KAZN: variants seen among roughly 807,000 people sequenced by gnomAD.
KAZN encodes the protein kazrin, periplakin interacting protein, also known as kazrin.
In KAZN, 40 loss-of-function variants were observed where a neutral mutation model predicts 87.4. The ratio of observed to expected loss-of-function variants is 0.46; its 90% CI spans 0.36 to 0.60. KAZN has a LOEUF of 0.60. KAZN is among the 20% of genes least tolerant of loss of function. The pLI, the probability that KAZN is intolerant of heterozygous loss-of-function variation, is 0.00. For missense variants in KAZN, 898 were observed against 1,073.9 expected, an observed-to-expected ratio of 0.84 and a Z score of 2.29; for synonymous variants, 466 against 458.3, an observed-to-expected ratio of 1.02 and a Z score of -0.22.
chr1:14,084,879 T>TA (rs376530072), intron 1 of KAZN, among the ~76,000 whole-genome samples: 13 of 151,856 alleles, frequency 8.6e-5, no homozygotes, highest in Admixed American at 3.9e-4. Context: ...TAAAGTATAA[T>TA]AAAAAAAAGT....
intron 2 of KAZN, among the ~76,000 whole-genome samples, chr1:14,419,680 G>A (rs996467149): frequency 5.3e-5 from 8 of 152,140 alleles, no homozygotes; most frequent in Non-Finnish European, 1.5e-5. Flanking sequence ...CTTCTGGTGG[G>A]TTTGTGATCT....
intron 2 of KAZN, among the ~76,000 whole-genome samples, chr1:14,503,703 G>A (rs182676262): frequency 5.7e-4 from 87 of 151,810 alleles, no homozygotes; most frequent in East Asian, 5.0e-3. Flanking sequence ...TATGCAAGCA[G>A]AGAACAGTTA....
intron 1 of KAZN, among the ~76,000 whole-genome samples, chr1:13,931,479 T>TGCGCATGCATGTGTGTGTGC (rs974051547): frequency 1.3e-5 from 2 of 152,016 alleles, no homozygotes; most frequent in African/African-American, 4.8e-5. Context: ...TGCGTGTGTG[T>TGCGCATGCATGTGTGTGTGC]GTGCATGCAT....
chr1:14,319,860 T>A (rs1655929121), intron 2 of KAZN, among the ~76,000 whole-genome samples: 1 of 152,202 alleles, frequency 6.6e-6, no homozygotes, highest in Non-Finnish European at 1.5e-5. Context: ...AAGCAGAAGG[T>A]CTTTATAGAA....
chr1:14,136,333 C>G (rs116404951), intron 1 of KAZN, among the ~76,000 whole-genome samples: 6 of 152,020 alleles, frequency 3.9e-5, no homozygotes, highest in Admixed American at 3.9e-4. Context: ...CAGATGCCCC[C>G]CTGTGAAGTA....
chr1:14,624,471 C>G (rs190032362), intron 1 of KAZN, among the ~76,000 whole-genome samples: 30 of 151,722 alleles, frequency 2.0e-4, no homozygotes, highest in Middle Eastern at 3.4e-3. Context: ...ATGGATTTGT[C>G]TATTTCTCCC....
intron 1 of KAZN, among the ~76,000 whole-genome samples, chr1:14,658,757 C>G (rs1195763927): frequency 6.6e-6 from 1 of 152,144 alleles, no homozygotes; most frequent in Non-Finnish European, 1.5e-5. Context: ...CCCACATTCC[C>G]TCGCCCCACC....
At chr1:15,027,326 C>T (rs1450358689) in intron 2 of KAZN, among the ~76,000 whole-genome samples, 2 of 151,906 alleles carry the variant, frequency 1.3e-5, no homozygotes, top group African/African-American at 2.4e-5. Context: ...GTTATCTGCC[C>T]GCCTCGGCCT....
chr1:14,652,295 A>T (rs1287908781), intron 1 of KAZN, among the ~76,000 whole-genome samples: 1 of 152,158 alleles, frequency 6.6e-6, no homozygotes, highest in African/African-American at 2.4e-5. Context: ...ATTTGCTTTC[A>T]TTTAAAATTG....
chr1:14,795,748 C>T (rs1040215277), intron 1 of KAZN, among the ~76,000 whole-genome samples: 1 of 152,152 alleles, frequency 6.6e-6, no homozygotes, highest in Non-Finnish European at 1.5e-5. Flanking sequence ...CACACCAGCC[C>T]CTCTGACCTC....
intron 2 of KAZN, among the ~76,000 whole-genome samples, chr1:14,239,176 A>G (rs1648696459): frequency 6.6e-6 from 1 of 152,242 alleles, no homozygotes; most frequent in East Asian, 1.9e-4. Flanking sequence ...TTGTTTTAAT[A>G]TAGCATTGAT....
intron 2 of KAZN, among the ~76,000 whole-genome samples, chr1:14,373,917 G>A (rs991304234): frequency 1.3e-5 from 2 of 152,204 alleles, no homozygotes; most frequent in Non-Finnish European, 2.9e-5. Flanking sequence ...CTTACATAAA[G>A]TGGAAAACAA....
At chr1:14,947,554 G>A (rs972545675) in intron 1 of KAZN, among the ~76,000 whole-genome samples, 14 of 152,350 alleles carry the variant, frequency 9.2e-5, no homozygotes, top group African/African-American at 2.4e-4. Flanking sequence ...TTTAGTTTGC[G>A]AAGCAGGCAC....
At chr1:14,686,887 C>T (rs901183388) in intron 1 of KAZN, among the ~76,000 whole-genome samples, 1 of 152,246 alleles carries the variant, frequency 6.6e-6, no homozygotes, top group African/African-American at 2.4e-5. Flanking sequence ...GAAAAGCCTT[C>T]ACTGATACAG....
intron 1 of KAZN, among the ~76,000 whole-genome samples, chr1:14,157,003 C>T (rs1435647042): frequency 2.0e-5 from 3 of 148,162 alleles, no homozygotes; most frequent in Non-Finnish European, 4.5e-5. Context: ...TTCATGTATC[C>T]TTGTAGTTTT....
chr1:14,270,008 TGCC>T, intron 2 of KAZN, among the ~76,000 whole-genome samples: 1 of 152,142 alleles, frequency 6.6e-6, no homozygotes, highest in Admixed American at 6.6e-5. Flanking sequence ...GGATGCATAG[TGCC>T]TGCACCTGCT....
chr1:14,512,199 TC>T (rs1197125240), intron 2 of KAZN, among the ~76,000 whole-genome samples: 1 of 152,154 alleles, frequency 6.6e-6, no homozygotes, highest in Non-Finnish European at 1.5e-5. Context: ...AAGGAGTTTG[TC>T]CAGGACATCT....
intron 1 of KAZN, among the ~76,000 whole-genome samples, chr1:14,938,358 A>G (rs546112120): frequency 6.6e-6 from 1 of 152,276 alleles, no homozygotes; most frequent in Non-Finnish European, 1.5e-5. Context: ...CCTGGCCAAA[A>G]TGGCAAAACC....
intron 1 of KAZN, among the ~76,000 whole-genome samples, chr1:14,076,361 C>T (rs2101575200): frequency 6.6e-6 from 1 of 152,210 alleles, no homozygotes; most frequent in East Asian, 1.9e-4. Context: ...GGTGATGTAT[C>T]CACAAGCCAA....
Sources: allele counts gnomAD v4.1 joint callset (sites outside exome capture counted in the v4.1 genomes callset), GRCh38; gene constraint gnomAD v4.1.1; transcripts MANE v1.5; gene names NCBI Gene and HGNC (gene_info 2026-07-23, HGNC 2026-07-21).